Variants in RESF1 observed in about 807,000 individuals in gnomAD.
RESF1 encodes the protein retroelement silencing factor 1.
RESF1 carries 65 observed loss-of-function variants against 134.7 expected under a neutral mutation model. The ratio of observed to expected loss-of-function variants is 0.48; its 90% confidence interval spans 0.40 to 0.59. The LOEUF is 0.59. Among genes scored for constraint, RESF1 ranks in the 20% least tolerant of loss-of-function variants. RESF1 has a pLI of 0.00. For synonymous variants in RESF1, 762 were observed against 702.2 expected (o/e 1.09, Z -1.35); for missense variants, 2,274 against 2,002.7 (o/e 1.14, Z -2.59).
intron 3 of RESF1, among the ~76,000 whole-genome samples, chr12:31,980,033 T>C (rs776276094): frequency 1.3e-5 from 2 of 151,966 alleles, no homozygotes; most frequent in African/African-American, 4.8e-5. Context: ...CTCAGGTATG[T>C]GCATACAGAG....
Position 31,983,347 on chromosome 12 carries a change from T to C in RESF1, c.2392T>C (p.Cys798Arg). The change falls in exon 4 of 6, where the codon TGT (cysteine) becomes CGT (arginine). Residue 798 changes from cysteine (C) to arginine (R), a missense_variant. Coordinates refer to ENST00000312561, the MANE Select transcript of RESF1 (RefSeq NM_018169.4). ...TCCCGTTATTAAAGAAGGCAGTGTT[T>C]GTAGTTTACAAAATCAATTGGCAGA... ...VYPVIKEGSV[C>R]SLQNQLAENA... The C allele has an allele frequency of 1.2e-6, 2 of 1,614,090 alleles. No homozygotes were observed. The highest frequency in any genetic ancestry group is 8.5e-7 in the Non-Finnish European group (1 of 1,180,014).
chr12:31,981,098 A>G lies in RESF1; in HGVS notation c.143A>G (p.Glu48Gly). The change falls in exon 4 of 6, where the codon GAA (glutamate) becomes GGA (glycine). Residue 48 changes from glutamate to glycine, a missense_variant. Transcript: ENST00000312561. ...TTCAGCTATCCTGGAAGTAACCAAGAAGCATGCATGTATCCCGGTAATTCA... is the reference window on the plus strand; with the variant it reads ...TTCAGCTATCCTGGAAGTAACCAAGGAGCATGCATGTATCCCGGTAATTCA... ...SSFSYPGSNQ[E>G]ACMYPGNSNP... is the part of the protein sequence containing the mutation. 1 of 1,614,200 alleles carries G rather than the reference A, an allele frequency of 6.2e-7. No individual in the cohort carries two copies. The highest frequency in any genetic ancestry group is 2.2e-5 in the East Asian group (1 of 44,878).
chr12:31,981,012 C>T lies in RESF1; in HGVS notation c.57C>T (p.Ser19=), dbSNP rs750684803. The change falls in exon 4 of 6, where the codon AGC becomes AGT. Residue 19 remains serine, a synonymous_variant. Transcript: ENST00000312561. ...CATTACCACCACTGTATCCTAAAAGCCAGCCACCTTTTTTGCACCAGTCTT... is the reference window on the plus strand; with the variant it reads ...CATTACCACCACTGTATCCTAAAAGTCAGCCACCTTTTTTGCACCAGTCTT... ...SATLPPLYPK[S]QPPFLHQSLI... 1.2e-5 allele frequency: 20 copies of T among 1,613,790 alleles called. No homozygotes were observed. Among genetic ancestry groups the T allele is most frequent in the Non-Finnish European group, 1.6e-5 (19 of 1,179,898 alleles).
chr12:31,983,100 T>G lies in RESF1; in HGVS notation c.2145T>G (p.Ser715Arg), dbSNP rs752405564. The change falls in exon 4 of 6, where the codon AGT becomes AGG. Residue 715 changes from serine (S) to arginine (R), a missense_variant. Coordinates refer to ENST00000312561, the MANE Select transcript of RESF1 (RefSeq NM_018169.4). ...ISKPANIHVK[S>R]PCSVVGNSNS... ...AGCCTGCTAACATCCACGTTAAGAG[T>G]CCTTGTTCAGTTGTGGGAAATTCAA... is the stretch of plus-strand genomic sequence containing the variant. 3 of 1,612,190 alleles carry G rather than the reference T, an allele frequency of 1.9e-6. No homozygotes were observed. The highest frequency in any genetic ancestry group is 3.3e-5 in the Admixed American group (2 of 59,708).
At chr12:31,961,880 G>A (rs1435046873) in intron 2 of RESF1, among the ~76,000 whole-genome samples, 2 of 152,144 alleles carry the variant, frequency 1.3e-5, no homozygotes, top group Non-Finnish European at 2.9e-5. Flanking sequence ...CAGTGTCTTG[G>A]ATATAATTGG....
intron 5 of RESF1, among the ~76,000 whole-genome samples, chr12:31,991,793 T>C (rs10844085): frequency 0.28 from 43,341 of 152,122 alleles, 6,293 homozygotes; most frequent in African/African-American, 0.31. Flanking sequence ...TGTGATCTGC[T>C]TGCCTTGGCC....
chr12:31,990,637 C>T (rs1245645847), intron 5 of RESF1, among the ~76,000 whole-genome samples: 1 of 152,048 alleles, frequency 6.6e-6, no homozygotes, highest in African/African-American at 2.4e-5. Flanking sequence ...GACAGAGTTT[C>T]ACCATGTTGT....
chr12:31,984,530 C>G lies in RESF1; in HGVS notation c.3575C>G (p.Ser1192Cys), dbSNP rs374177436. 24 of 1,594,726 alleles carry G rather than the reference C, an allele frequency of 1.5e-5. No individual in the cohort carries two copies. Among genetic ancestry groups the G allele is most frequent in the Non-Finnish European group, 2.0e-5 (23 of 1,170,694 alleles). Residue 1192 changes from serine to cysteine, a missense_variant, in exon 4 of 6, where the codon TCC becomes TGC. Ser to Cys is a moderately radical substitution (Grantham distance 112). Transcript: ENST00000312561. ...YEGVPQCQCN[S>C]IKNSSSEEEK... ...GGAGTACCCCAGTGTCAGTGTAATT[C>G]CATCAAGAACTCATCTTCAGAGGAA... is the stretch of plus-strand genomic sequence containing the variant.
rs368756021 is a variant in RESF1 at position 31,983,743 on chromosome 12, A to G, written c.2788A>G (p.Asn930Asp). ...TGAGCCACAGAAACCTTCTCTACCC[A>G]ATCAGCAAGGGATTGGCAGCAGAGA... ...MVEPQKPSLP[N>D]QQGIGSREPE... Residue 930 changes from asparagine to aspartate, a missense_variant, in exon 4 of 6, where the codon AAT becomes GAT. By Grantham distance (23) the Asn-to-Asp change is conservative. Coordinates refer to ENST00000312561, the MANE Select transcript of RESF1 (RefSeq NM_018169.4). 6 of 1,613,748 alleles carry G rather than the reference A, an allele frequency of 3.7e-6. No individual in the cohort carries two copies. In the Middle Eastern group the frequency reaches 6.6e-4, roughly 177 times the overall value.
intron 3 of RESF1, among the ~76,000 whole-genome samples, chr12:31,976,273 A>G (rs946403031): frequency 4.9e-4 from 74 of 152,206 alleles, no homozygotes; most frequent in Middle Eastern, 3.2e-3. Context: ...AAAAAAATCC[A>G]CATTTAACTT....
Position 31,982,518 on chromosome 12 carries a change from T to C in RESF1, c.1563T>C (p.Asp521=). 6.2e-7 allele frequency: 1 copy of C among 1,613,642 alleles called. No individual in the cohort carries two copies. The highest frequency in any genetic ancestry group is 8.5e-7 in the Non-Finnish European group (1 of 1,179,960). ...EKRPMPDSSH[D]VKVLTSKTSA... ...GGCCAATGCCAGACTCATCTCATGA[T>C]GTGAAAGTTCTCACTTCAAAGACAT... is the stretch of plus-strand genomic sequence containing the variant. Residue 521 remains aspartate, a synonymous_variant, in exon 4 of 6, where the codon GAT becomes GAC. Coordinates refer to ENST00000312561, the MANE Select transcript of RESF1 (RefSeq NM_018169.4).
intron 5 of RESF1, among the ~76,000 whole-genome samples, chr12:31,991,339 G>A (rs1170662951): frequency 5.3e-5 from 8 of 152,250 alleles, no homozygotes. Flanking sequence ...GACCCATCTG[G>A]GGCTTCAGTG....
At chr12:31,989,512 G>A (rs1471780222) in intron 5 of RESF1, among the ~76,000 whole-genome samples, 1 of 151,776 alleles carries the variant, frequency 6.6e-6, no homozygotes, top group East Asian at 1.9e-4. Context: ...AATTGACAAC[G>A]GTTGTGAAGA....
At chr12:31,988,601 C>T (rs1255820686) in intron 5 of RESF1, among the ~76,000 whole-genome samples, 1 of 152,068 alleles carries the variant, frequency 6.6e-6, no homozygotes, top group African/African-American at 2.4e-5. Flanking sequence ...CCAGGGATGA[C>T]TGTATTTTAA....
rs1465064997 is a variant in RESF1 at position 31,985,260 on chromosome 12, G to A, written c.4305G>A (p.Ala1435=). ...VSNTKSVDTK[A]SSSKFSRILT... Reference sequence around the variant, plus strand: ...ATACTAAGTCTGTAGACACGAAAGCGAGTTCATCTAAATTTAGTAGAATTC... The same window carrying A: ...ATACTAAGTCTGTAGACACGAAAGCAAGTTCATCTAAATTTAGTAGAATTC... Residue 1435 remains alanine, a synonymous_variant, in exon 4 of 6, where the codon GCG becomes GCA. Transcript: ENST00000312561. 16 of 1,610,922 alleles carry A rather than the reference G, an allele frequency of 9.9e-6. No individual in the cohort carries two copies. The highest frequency in any genetic ancestry group is 1.6e-4 in the Middle Eastern group (1 of 6,070).
chr12:31,960,724 T>A (rs1479783814), intron 1 of RESF1, 53 bp from the exon 2 acceptor site: 1 of 152,236 alleles, frequency 6.6e-6, no homozygotes, highest in Non-Finnish European at 1.5e-5. Flanking sequence ...TCATATCTAG[T>A]AAACACATTA....
Position 31,959,435 on chromosome 12 carries a change from C to A in RESF1, c.-398C>A, listed in dbSNP as rs548370995. On this transcript the variant is annotated 5_prime_UTR_variant, in exon 1 of 6. Transcript: ENST00000312561. ...ACCCCACTTGACTTAAACTCTGGGG[C>A]CCGGGAGGCCGCCGGTTTTCTCCCC... is the stretch of plus-strand genomic sequence containing the variant. 1 of 152,600 alleles carries A rather than the reference C, an allele frequency of 6.6e-6. No homozygotes were observed. Among genetic ancestry groups the A allele is most frequent in the Non-Finnish European group, 1.5e-5 (1 of 68,260 alleles). 9.5% of individuals were successfully genotyped at this position (152,600 alleles called of 1,614,324 possible).
At position 31,992,372 on chromosome 12, in the gene RESF1, C is replaced by T. The variant is rs868234859; in HGVS notation, c.5087-6C>T. The T allele has an allele frequency of 6.2e-7, 1 of 1,602,324 alleles. No homozygotes were observed. Among genetic ancestry groups the T allele is most frequent in the Non-Finnish European group, 8.5e-7 (1 of 1,174,004 alleles). ...ATAAAGTAAGTAAAGTTTTTATTTC[C>T]CTTAGATAATGTTAATTCAAGACTC... is the stretch of plus-strand genomic sequence containing the variant. On this transcript the variant is annotated splice_region_variant and splice_polypyrimidine_tract_variant and intron_variant, in intron 5 of 5. Coordinates refer to ENST00000312561, the MANE Select transcript of RESF1 (RefSeq NM_018169.4).
chr12:31,979,004 T>C (rs527775603), intron 3 of RESF1, among the ~76,000 whole-genome samples: 2 of 149,600 alleles, frequency 1.3e-5, no homozygotes, highest in African/African-American at 4.9e-5. Context: ...CACTGCAAGC[T>C]CCGCCTACCG....
Sources: allele counts gnomAD v4.1 joint callset (sites outside exome capture counted in the v4.1 genomes callset), GRCh38; gene constraint gnomAD v4.1.1; transcripts MANE v1.5; gene names NCBI Gene and HGNC (gene_info 2026-07-23, HGNC 2026-07-21).